MANBA: variants seen among roughly 807,000 people sequenced by gnomAD.
The protein encoded by MANBA is beta-mannosidase.
In MANBA, 83 loss-of-function variants were observed where a neutral mutation model predicts 111.1. The ratio of observed to expected loss-of-function variants is 0.75; its 90% CI spans 0.63 to 0.90. The LOEUF is 0.90. Ranked by LOEUF, MANBA falls within the 40% of genes least tolerant of loss-of-function variation. The pLI, the probability that MANBA is intolerant of heterozygous loss-of-function variation, is 0.00. For synonymous variants in MANBA, 370 were observed against 378.7 expected, an observed-to-expected ratio of 0.98 and a Z score of 0.27; for missense variants, 1,036 against 1,069.0, an observed-to-expected ratio of 0.97 and a Z score of 0.43.
At chr4:102,680,009 A>G (rs1203319168) in intron 7 of MANBA, among the ~76,000 whole-genome samples, 1 of 152,068 alleles carries the variant, frequency 6.6e-6, no homozygotes, top group Non-Finnish European at 1.5e-5. Context: ...CACAGATACT[A>G]TTTGATTAAT....
chr4:102,706,648 A>T (rs1286939074), intron 5 of MANBA, among the ~76,000 whole-genome samples: 2 of 152,222 alleles, frequency 1.3e-5, no homozygotes, highest in Non-Finnish European at 1.5e-5. Context: ...ATTCAAAATA[A>T]GGAAATTAAA....
intron 13 of MANBA, among the ~76,000 whole-genome samples, chr4:102,643,495 A>C (rs1051804289): frequency 7.9e-5 from 12 of 152,162 alleles, no homozygotes; most frequent in Admixed American, 7.2e-4. Context: ...GCAGCAGCTG[A>C]ACTGTTTTAC....
intron 14 of MANBA, among the ~76,000 whole-genome samples, chr4:102,638,566 T>C (rs1729729620): frequency 1.3e-5 from 2 of 152,304 alleles, no homozygotes; most frequent in South Asian, 4.1e-4. Context: ...GGCTCTCCCA[T>C]TTCTTGAATC....
chr4:102,689,746 C>A, intron 6 of MANBA, 62 bp from the exon 7 acceptor site: 1 of 927,684 alleles, frequency 1.1e-6, no homozygotes, highest in Non-Finnish European at 1.8e-6. Flanking sequence ...AGGCTCAAAG[C>A]ATTACATCAA....
At chr4:102,711,950 T>C (rs555659429) in intron 5 of MANBA, among the ~76,000 whole-genome samples, 1 of 152,246 alleles carries the variant, frequency 6.6e-6, no homozygotes, top group African/African-American at 2.4e-5. Context: ...GGCTGATGAA[T>C]GGGTACAAGC....
rs568272896 is a variant in MANBA, at chr4:102,652,640, C to T, written c.1705-1939G>A. Among the ~76,000 whole-genome samples the T allele has an allele frequency of 7.2e-5, 11 of 152,240 alleles. No individual in the cohort carries two copies. In the South Asian group the frequency reaches 2.3e-3, roughly 32 times the overall value. ...ATGCAGTGTTTCACACCTGTAATCC[C>T]AGCACTTTGGGAGGCTGAGGTGGGA... On this transcript the variant is annotated intron_variant, in intron 12 of 16. Transcript: ENST00000647097.
intron 11 of MANBA, among the ~76,000 whole-genome samples, chr4:102,660,850 T>C (rs1057414770): frequency 1.3e-5 from 2 of 151,574 alleles, no homozygotes; most frequent in African/African-American, 4.8e-5. Flanking sequence ...TCTTAGTTGT[T>C]ATAACTGGTT....
chr4:102,683,794 T>C (rs150433846), intron 7 of MANBA, among the ~76,000 whole-genome samples: 282 of 152,360 alleles, frequency 1.9e-3, no homozygotes, highest in African/African-American at 6.5e-3. Flanking sequence ...GCAGAATTTA[T>C]GATATCCCAA....
rs980491437 is a variant in MANBA, at chr4:102,732,843, C to G, written c.178-6160G>C. ...ATTCCCCCAAGACCTATTTATAACT[C>G]TACACTGTGGACTTAGTCCAATACA... On this transcript the variant is annotated intron_variant, in intron 1 of 16. Coordinates refer to ENST00000647097, the MANE Select transcript of MANBA (RefSeq NM_005908.4). Among the ~76,000 whole-genome samples, 4 of 152,162 alleles carry G rather than the reference C, an allele frequency of 2.6e-5. No individual in the cohort carries two copies. The East Asian group carries it at 7.7e-4, about 29-fold the overall frequency.
At chr4:102,750,226 A>G (rs1723738174) in intron 1 of MANBA, among the ~76,000 whole-genome samples, 1 of 152,112 alleles carries the variant, frequency 6.6e-6, no homozygotes, top group African/African-American at 2.4e-5. Flanking sequence ...GAAGACATAC[A>G]TATCTTTAAA....
At chr4:102,654,481 T>A (rs1730472099) in intron 12 of MANBA, among the ~76,000 whole-genome samples, 1 of 152,202 alleles carries the variant, frequency 6.6e-6, no homozygotes, top group Non-Finnish European at 1.5e-5. Flanking sequence ...TCAATGTGTA[T>A]AAGCAAATTA....
intron 1 of MANBA, chr4:102,734,560 C>T: frequency 1.2e-6 from 2 of 1,608,088 alleles, no homozygotes; most frequent in Non-Finnish European, 1.7e-6. Flanking sequence ...AAGCCCAAGG[C>T]TACTGTTCCT....
Position 102,690,716 on chromosome 4 carries a change from G to T in MANBA, c.729C>A (p.Ser243Arg), listed in dbSNP as rs1187334741. Residue 243 changes from serine to arginine, a missense_variant, in exon 6 of 17, where the codon AGC becomes AGA. Physicochemically the swap from Ser to Arg is moderately radical, Grantham distance 110. Coordinates refer to ENST00000647097, the MANE Select transcript of MANBA (RefSeq NM_005908.4). Reference protein sequence around the residue: ...LEIESTFDVVSSKPVGGQVIV... With the variant: ...LEIESTFDVVRSKPVGGQVIV... ...TCACTTGACCACCAACTGGCTTTGA[G>T]CTGACAACATCAAATGTAGACTCTA... is the stretch of plus-strand genomic sequence containing the variant. The T allele has an allele frequency of 5.6e-6, 9 of 1,605,984 alleles. No homozygotes were observed. Among genetic ancestry groups the T allele is most frequent in the Admixed American group, 1.7e-5 (1 of 59,602 alleles).
At chr4:102,668,659 G>A (rs1286932983) in intron 10 of MANBA, 1 of 371,212 alleles carries the variant, frequency 2.7e-6, no homozygotes, top group Non-Finnish European at 5.1e-6. Flanking sequence ...AGTTTAGTTT[G>A]TACATGTTAC....
intron 4 of MANBA, among the ~76,000 whole-genome samples, chr4:102,718,613 G>A (rs142899929): frequency 1.3e-5 from 2 of 152,250 alleles, no homozygotes; most frequent in African/African-American, 4.8e-5. Flanking sequence ...GGACAGAAAA[G>A]GAAGCAGAGA....
At position 102,630,989 on chromosome 4, in the gene MANBA, G is replaced by T. The variant is rs529944701; in HGVS notation, c.*1068C>A. ...CAAGAAGAGCAGTCCTCCCTGCCTC[G>T]CAGCAATGCTTTGCTAAAACAGGAT... On this transcript the variant is annotated 3_prime_UTR_variant, in exon 17 of 17. Transcript: ENST00000647097. 6.6e-6 allele frequency: 1 copy of T among 152,100 alleles called. No individual in the cohort carries two copies. Among genetic ancestry groups the T allele is most frequent in the Non-Finnish European group, 1.5e-5 (1 of 68,022 alleles). The allele number at this position is 152,100 out of a possible 1,614,324, so 9.4% of individuals were successfully genotyped here.
intron 5 of MANBA, among the ~76,000 whole-genome samples, chr4:102,695,212 A>G (rs1732653327): frequency 6.6e-6 from 1 of 152,098 alleles, no homozygotes; most frequent in African/African-American, 2.4e-5. Flanking sequence ...GCTTCCTCTT[A>G]TATTCTCATA....
intron 1 of MANBA, among the ~76,000 whole-genome samples, chr4:102,739,980 A>T (rs1009474311): frequency 3.3e-5 from 5 of 152,254 alleles, no homozygotes; most frequent in African/African-American, 1.2e-4. Flanking sequence ...GGGCATCCAA[A>T]TCAGTAAAGA....
intron 13 of MANBA, among the ~76,000 whole-genome samples, chr4:102,648,117 A>G (rs1730179726): frequency 6.6e-6 from 1 of 152,120 alleles, no homozygotes; most frequent in African/African-American, 2.4e-5. Flanking sequence ...TTCATGAACT[A>G]AAATAGGCAA....
Sources: allele counts gnomAD v4.1 joint callset (sites outside exome capture counted in the v4.1 genomes callset), GRCh38; gene constraint gnomAD v4.1.1; transcripts MANE v1.5; gene names NCBI Gene and HGNC (gene_info 2026-07-23, HGNC 2026-07-21).